The following ABL2 variants were observed in gnomAD, a reference collection of about 807,000 sequenced individuals.
The protein encoded by ABL2 is ABL proto-oncogene 2, non-receptor tyrosine kinase, also known as tyrosine-protein kinase ABL2.
A neutral mutation model predicts 107.7 loss-of-function variants in ABL2; 49 were observed. The ratio of observed to expected loss-of-function variants is 0.45; its 90% CI spans 0.36 to 0.58. The LOEUF (loss-of-function observed/expected upper bound fraction) is 0.58, where lower values mean the gene tolerates loss of function less well. ABL2 is among the 20% of genes least tolerant of loss of function. ABL2 has a pLI of 0.00. For synonymous variants in ABL2, 549 were observed against 548.6 expected, an observed-to-expected ratio of 1.00 and a Z score of -0.01; for missense variants, 1,245 against 1,457.0, an observed-to-expected ratio of 0.85 and a Z score of 2.37.
At chr1:179,209,219 T>C (rs1314417966) in intron 1 of ABL2, among the ~76,000 whole-genome samples, 1 of 152,182 alleles carries the variant, frequency 6.6e-6, no homozygotes, top group African/African-American at 2.4e-5. Context: ...ACCCTCCCTT[T>C]ACTCAGAGGA....
chr1:179,131,506 A>C (rs753062293), intron 2 of ABL2, 25 bp from the exon 3 acceptor site: 13 of 1,609,904 alleles, frequency 8.1e-6, no homozygotes, highest in Admixed American at 5.0e-5. Context: ...AAGGGAAGGG[A>C]ATTCACGGTG....
chr1:179,152,225 AC>A (rs991238008), intron 1 of ABL2, among the ~76,000 whole-genome samples: 2 of 152,150 alleles, frequency 1.3e-5, no homozygotes, highest in Admixed American at 1.3e-4. Context: ...TGAAGAATTC[AC>A]CTTTGTCCCT....
chr1:179,150,420 C>G (rs1658290978), intron 1 of ABL2, among the ~76,000 whole-genome samples: 1 of 152,160 alleles, frequency 6.6e-6, no homozygotes, highest in African/African-American at 2.4e-5. Context: ...TGATTCCAAT[C>G]TTCATGCATA....
chr1:179,154,368 T>A (rs1369091407), intron 1 of ABL2, among the ~76,000 whole-genome samples: 1 of 152,230 alleles, frequency 6.6e-6, no homozygotes, highest in South Asian at 2.1e-4. Context: ...TCTTCATTCT[T>A]CTCACAAGGA....
At chr1:179,122,302 T>C (rs1014516981) in intron 4 of ABL2, among the ~76,000 whole-genome samples, 1 of 149,774 alleles carries the variant, frequency 6.7e-6, no homozygotes, top group African/African-American at 2.4e-5. Flanking sequence ...AAAAAAAATA[T>C]TCTGCAGACA....
chr1:179,191,310 T>C (rs902171515), intron 1 of ABL2, among the ~76,000 whole-genome samples: 3 of 152,130 alleles, frequency 2.0e-5, no homozygotes, highest in African/African-American at 7.2e-5. Context: ...TTGCACTTAA[T>C]TTTCAAAATC....
Position 179,108,064 on chromosome 1 carries a change from G to A in ABL2, c.3203C>T (p.Ala1068Val). The change falls in exon 12 of 12, where the codon GCT (alanine) becomes GTT (valine). Residue 1068 changes from alanine to valine, a missense_variant. Transcript: ENST00000502732. ...AGCGGCCTGTTTGGTTTTTCTCAGA[G>A]CCACTTTAGTACCTGCTGTGCCATT... ...MANGTAGTKV[A>V]LRKTKQAAEK... is the part of the protein sequence containing the mutation. The A allele has an allele frequency of 2.5e-6, 4 of 1,614,252 alleles. No individual in the cohort carries two copies. The highest frequency in any genetic ancestry group is 3.4e-6 in the Non-Finnish European group (4 of 1,180,042).
intron 1 of ABL2, among the ~76,000 whole-genome samples, chr1:179,181,297 A>G (rs943489487): frequency 3.3e-5 from 5 of 152,230 alleles, no homozygotes; most frequent in Admixed American, 1.3e-4. Flanking sequence ...AGAGGAAAAT[A>G]ATTTTGGTAA....
intron 1 of ABL2, among the ~76,000 whole-genome samples, chr1:179,159,149 T>C (rs1658886993): frequency 6.6e-6 from 1 of 152,208 alleles, no homozygotes; most frequent in Non-Finnish European, 1.5e-5. Context: ...TTTCCTCATC[T>C]AAAAGTGAAC....
At chr1:179,165,037 G>A (rs926018241) in intron 1 of ABL2, among the ~76,000 whole-genome samples, 2 of 152,178 alleles carry the variant, frequency 1.3e-5, no homozygotes, top group African/African-American at 2.4e-5. Context: ...TGTGATCTAT[G>A]TCTCAAATGT....
chr1:179,133,258 C>A, intron 2 of ABL2, 54 bp downstream of exon 2: 1 of 1,609,110 alleles, frequency 6.2e-7, no homozygotes, highest in Non-Finnish European at 8.5e-7. Context: ...CCCTGTTCTC[C>A]ATCTCTACTG....
rs200088568 is a variant in ABL2 at position 179,120,278 on chromosome 1, G to C, written c.961-4C>G. The C allele has an allele frequency of 2.4e-4, 375 of 1,592,224 alleles. No individual in the cohort carries two copies. Among genetic ancestry groups the C allele is most frequent in the Admixed American group, 1.7e-4 (10 of 58,174 alleles). ...CTTCTACCTCCATGGTATCTTCCTAGAAAAAGGGAAAGGTAAGAAAGAAGA... is the reference window on the plus strand; with the variant it reads ...CTTCTACCTCCATGGTATCTTCCTACAAAAAGGGAAAGGTAAGAAAGAAGA... On this transcript the variant is annotated splice_polypyrimidine_tract_variant and splice_region_variant and intron_variant, in intron 5 of 11. Transcript: ENST00000502732.
At chr1:179,117,737 C>T (rs1654789732) in intron 7 of ABL2, among the ~76,000 whole-genome samples, 1 of 152,064 alleles carries the variant, frequency 6.6e-6, no homozygotes, top group Non-Finnish European at 1.5e-5. Flanking sequence ...AAAATGGGTC[C>T]CTATTTATAA....
rs1022608706 is a variant in ABL2, at chr1:179,111,841, C to T, written c.1651+468G>A. 2.6e-5 allele frequency among the ~76,000 whole-genome samples: 4 copies of T among 152,094 alleles called. No homozygotes were observed. The East Asian group carries it at 7.8e-4, about 30-fold the overall frequency. ...GGTGGATCACTTAAGGTTAAGAGTT[C>T]GAGAGCAGTCTGGCCAACATGGCGA... is the stretch of plus-strand genomic sequence containing the variant. On this transcript the variant is annotated intron_variant, in intron 10 of 11. Coordinates refer to ENST00000502732, the MANE Select transcript of ABL2 (RefSeq NM_007314.4).
At chr1:179,118,225 C>T (rs929035511) in intron 7 of ABL2, among the ~76,000 whole-genome samples, 1 of 151,204 alleles carries the variant, frequency 6.6e-6, no homozygotes, top group Non-Finnish European at 1.5e-5. Flanking sequence ...ATAAAGAGAG[C>T]TCTCTGGCCA....
intron 1 of ABL2, among the ~76,000 whole-genome samples, chr1:179,185,487 G>C (rs1273700606): frequency 2.6e-5 from 4 of 152,006 alleles, no homozygotes; most frequent in Admixed American, 2.6e-4. Context: ...GAAAGATGAT[G>C]CTCAGTTTTA....
chr1:179,160,027 T>C (rs938168181), intron 1 of ABL2, among the ~76,000 whole-genome samples: 4 of 152,006 alleles, frequency 2.6e-5, no homozygotes, highest in Non-Finnish European at 5.9e-5. Flanking sequence ...GGCAGGAGAA[T>C]TGCTTGAACC....
chr1:179,108,415 G>C lies in ABL2; in HGVS notation c.2852C>G (p.Thr951Arg), dbSNP rs1010061125. ...HTPADVQLIGTDSQGNKFKLL... is the reference protein window; with the variant it reads ...HTPADVQLIGRDSQGNKFKLL... ...CTTGAATTTATTCCCCTGAGAGTCT[G>C]TGCCAATGAGCTGCACGTCAGCTGG... is the stretch of plus-strand genomic sequence containing the variant. The change falls in exon 12 of 12, where the codon ACA becomes AGA. Residue 951 changes from threonine (T) to arginine (R), a missense_variant. Transcript: ENST00000502732. 6.2e-7 allele frequency: 1 copy of C among 1,614,248 alleles called. No homozygotes were observed. Among genetic ancestry groups the C allele is most frequent in the East Asian group, 2.2e-5 (1 of 44,886 alleles).
In ABL2 at chr1:179,229,372, C is replaced by G; in HGVS notation, c.26G>C (p.Gly9Ala). 6.4e-7 allele frequency: 1 copy of G among 1,565,122 alleles called. No homozygotes were observed. Among genetic ancestry groups the G allele is most frequent in the Non-Finnish European group, 8.6e-7 (1 of 1,161,374 alleles). The change falls in exon 1 of 12, where the codon GGG becomes GCG. Residue 9 changes from glycine to alanine, a missense_variant. Physicochemically the swap from Gly to Ala is moderately conservative, Grantham distance 60. Around this residue, in one of 3 missense-constraint regions of ABL2, gnomAD observed 164 missense variants for 143.7 expected, o/e 1.14. Transcript: ENST00000502732. MGQQVGRV[G>A]EAPGLQQPQP... ...AGGCTGCTGGAGCCCCGGAGCTTCC[C>G]CGACGCGGCCCACCTGCTGCCCCAT... is the stretch of plus-strand genomic sequence containing the variant.
Sources: allele counts gnomAD v4.1 joint callset (sites outside exome capture counted in the v4.1 genomes callset), GRCh38; gene constraint gnomAD v4.1.1; regional missense constraint gnomAD v4.1.1; transcripts MANE v1.5; gene names NCBI Gene and HGNC (gene_info 2026-07-23, HGNC 2026-07-21).